NCSTN: variants seen among roughly 807,000 people sequenced by gnomAD.
NCSTN encodes the protein nicastrin, also known as anterior pharynx-defective 2.
Under a neutral mutation model 87.0 loss-of-function variants are expected in NCSTN, and 22 were observed. The observed-to-expected ratio is 0.25, with a 90% CI of 0.18 to 0.36. The LOEUF (loss-of-function observed/expected upper bound fraction) is 0.36, where lower values mean the gene tolerates loss of function less well. Among genes scored for constraint, NCSTN ranks in the 10% least tolerant of loss-of-function variants. The pLI is 1.00. For missense variants in NCSTN, 693 were observed against 883.3 expected, an observed-to-expected ratio of 0.78 and a Z score of 2.73; for synonymous variants, 306 against 327.1, an observed-to-expected ratio of 0.94 and a Z score of 0.69.
chr1:160,356,684 C>T lies in NCSTN; in HGVS notation c.1724C>T (p.Thr575Ile). Residue 575 changes from threonine to isoleucine, a missense_variant, in exon 15 of 17, where the codon ACT becomes ATT. By Grantham distance (89) the Thr-to-Ile change is moderately conservative. Around this residue, in one of 4 missense-constraint regions of NCSTN, gnomAD observed 216 missense variants for 311.7 expected, o/e 0.69. Coordinates refer to ENST00000294785, the MANE Select transcript of NCSTN (RefSeq NM_015331.3). ...GTACAGTATGCCTTGGCAAATTTGACTGGCACAGTGGTCAACCTCACCCGA... is the reference window on the plus strand; with the variant it reads ...GTACAGTATGCCTTGGCAAATTTGATTGGCACAGTGGTCAACCTCACCCGA... ...YVVQYALANL[T>I]GTVVNLTREQ... The T allele has an allele frequency of 6.2e-7, 1 of 1,614,242 alleles. No individual in the cohort carries two copies. The highest frequency in any genetic ancestry group is 1.1e-5 in the South Asian group (1 of 91,088).
chr1:160,352,816 C>G (rs1347201727), intron 8 of NCSTN, 71 bp from the exon 9 acceptor site: 2 of 1,192,874 alleles, frequency 1.7e-6, no homozygotes, highest in East Asian at 2.3e-5. Context: ...CTTTGATGAT[C>G]TGGCCGCCTT....
Position 160,358,501 on chromosome 1 carries a change from C to G in NCSTN, c.*230C>G. On this transcript the variant is annotated 3_prime_UTR_variant, in exon 17 of 17. Coordinates refer to ENST00000294785, the MANE Select transcript of NCSTN (RefSeq NM_015331.3). ...TTCCCCATTTCCTCTTCCTTCTCTACTCATGCCAGATTTTGGGATTACAAA... is the reference window on the plus strand; with the variant it reads ...TTCCCCATTTCCTCTTCCTTCTCTAGTCATGCCAGATTTTGGGATTACAAA... The G allele has an allele frequency of 1.7e-6, 1 of 586,848 alleles. No individual in the cohort carries two copies. Among genetic ancestry groups the G allele is most frequent in the East Asian group, 3.1e-5 (1 of 32,008 alleles). 36.4% of individuals were successfully genotyped at this position (586,848 alleles called of 1,614,324 possible). A position where few individuals can be genotyped will look rare whatever the true frequency, so the allele number is the denominator to read the frequency against.
At chr1:160,348,889 C>A (rs922181841) in intron 2 of NCSTN, 110 bp from the exon 3 acceptor site, 3 of 1,511,326 alleles carry the variant, frequency 2.0e-6, no homozygotes, top group Non-Finnish European at 2.8e-6. Context: ...CCTGTATTCA[C>A]CCAAATATGT....
At chr1:160,351,019 C>T (rs1249322255) in intron 5 of NCSTN, among the ~76,000 whole-genome samples, 3 of 152,194 alleles carry the variant, frequency 2.0e-5, no homozygotes, top group Non-Finnish European at 4.4e-5. Context: ...GAGTCTGCAA[C>T]CCTTTGTAAC....
At chr1:160,356,197 TA>T in intron 13 of NCSTN, 62 bp from the exon 14 acceptor site, 1 of 1,414,884 alleles carries the variant, frequency 7.1e-7, no homozygotes, top group Admixed American at 1.7e-5. Context: ...TCTCCACTGA[TA>T]ATTCTTTCCC....
At chr1:160,348,912 AG>A in intron 2 of NCSTN, 86 bp from the exon 3 acceptor site, 3 of 1,558,126 alleles carry the variant, frequency 1.9e-6, no homozygotes, top group Non-Finnish European at 2.7e-6. Flanking sequence ...TGACATCTTT[AG>A]GGGATAAAAG....
At chr1:160,343,511 C>G (rs749262755) in intron 1 of NCSTN, 30 bp downstream of exon 1, 2 of 1,576,620 alleles carry the variant, frequency 1.3e-6, no homozygotes, top group Admixed American at 3.8e-5. Flanking sequence ...GAGCTCCGTT[C>G]TCTAAGGGGA....
At chr1:160,356,951 T>C (rs1013377285) in intron 15 of NCSTN, 90 bp from the exon 16 acceptor site, 4 of 1,399,330 alleles carry the variant, frequency 2.9e-6, no homozygotes, top group East Asian at 2.3e-5. Flanking sequence ...GTTAGCTCAA[T>C]TGGTTAGAGC....
At chr1:160,353,328 G>A (rs1373624323) in intron 10 of NCSTN, 91 bp downstream of exon 10, 20 of 1,597,696 alleles carry the variant, frequency 1.3e-5, no homozygotes, top group Non-Finnish European at 1.5e-5. Flanking sequence ...CCCAGGGCCT[G>A]TGAGACAGGG....
intron 2 of NCSTN, among the ~76,000 whole-genome samples, chr1:160,348,268 T>G (rs1648623667): frequency 6.6e-6 from 1 of 152,228 alleles, no homozygotes; most frequent in African/African-American, 2.4e-5. Flanking sequence ...TCCCAATCTT[T>G]ATCATGTCAT....
chr1:160,346,046 C>T (rs552436776), intron 2 of NCSTN, among the ~76,000 whole-genome samples: 14 of 150,822 alleles, frequency 9.3e-5, no homozygotes, highest in Admixed American at 3.3e-4. Context: ...ATTCAACTGA[C>T]AGGCCGTTTA....
At chr1:160,350,287 AAAG>A (rs1334857800) in intron 5 of NCSTN, 37 bp downstream of exon 5, 2 of 1,610,792 alleles carry the variant, frequency 1.2e-6, no homozygotes, top group Non-Finnish European at 1.7e-6. Flanking sequence ...TTCCAGTTAG[AAAG>A]AAGATTATTT....
At chr1:160,351,447 G>C in intron 6 of NCSTN, 75 bp downstream of exon 6, 1 of 1,530,458 alleles carries the variant, frequency 6.5e-7, no homozygotes, top group Non-Finnish European at 9.0e-7. Context: ...GGGAATGTTA[G>C]AGAGACTGTA....
intron 11 of NCSTN, among the ~76,000 whole-genome samples, chr1:160,355,248 T>C (rs1329289745): frequency 6.6e-6 from 1 of 152,180 alleles, no homozygotes; most frequent in Non-Finnish European, 1.5e-5. Flanking sequence ...TAAGACCTGC[T>C]AATCACCTCC....
chr1:160,355,797 A>G (rs1649095525), intron 12 of NCSTN, 40 bp downstream of exon 12: 1 of 1,602,726 alleles, frequency 6.2e-7, no homozygotes, highest in African/African-American at 1.3e-5. Context: ...TGGGGCACAC[A>G]GTGAAGATGC....
chr1:160,345,794 G>A (rs931115917), intron 2 of NCSTN, among the ~76,000 whole-genome samples: 3 of 151,234 alleles, frequency 2.0e-5, no homozygotes, highest in South Asian at 4.2e-4. Context: ...AAAATTAGCC[G>A]GCTGGCTGCT....
At chr1:160,345,463 G>A (rs183898643) in intron 2 of NCSTN, among the ~76,000 whole-genome samples, 3 of 151,942 alleles carry the variant, frequency 2.0e-5, no homozygotes, top group African/African-American at 7.3e-5. Context: ...AAAATGCTGG[G>A]ATTACAGGCG....
At chr1:160,353,387 C>T (rs1648970992) in intron 10 of NCSTN, 150 bp downstream of exon 10, 2 of 1,527,432 alleles carry the variant, frequency 1.3e-6, no homozygotes, top group Admixed American at 2.0e-5. Flanking sequence ...AACACCACAG[C>T]TGTTGTTGCT....
chr1:160,345,052 A>G, intron 2 of NCSTN: 2 of 603,398 alleles, frequency 3.3e-6, no homozygotes, highest in Non-Finnish European at 5.9e-6. Context: ...AACCCCAACC[A>G]CAACCCCACA....
Sources: allele counts gnomAD v4.1 joint callset (sites outside exome capture counted in the v4.1 genomes callset), GRCh38; gene constraint gnomAD v4.1.1; regional missense constraint gnomAD v4.1.1; transcripts MANE v1.5; gene names NCBI Gene and HGNC (gene_info 2026-07-23, HGNC 2026-07-21).